The following MYO10 variants were observed in gnomAD, a reference collection of about 807,000 sequenced individuals.
MYO10 encodes the protein unconventional myosin-X.
MYO10 carries 133 observed loss-of-function variants against 257.3 expected under a neutral mutation model. The ratio of observed to expected loss-of-function variants is 0.52; its 90% CI spans 0.45 to 0.60. The LOEUF is 0.60. Among genes scored for constraint, MYO10 ranks in the 20% least tolerant of loss-of-function variants. The pLI is 0.00. For synonymous variants in MYO10, 1,104 were observed against 1,028.6 expected, an observed-to-expected ratio of 1.07 and a Z score of -1.40; for missense variants, 2,399 against 2,635.7, an observed-to-expected ratio of 0.91 and a Z score of 1.97.
At chr5:16,714,470 A>G (rs1007934897) in intron 19 of MYO10, among the ~76,000 whole-genome samples, 2 of 151,998 alleles carry the variant, frequency 1.3e-5, no homozygotes, top group East Asian at 3.9e-4. Flanking sequence ...CAACGGGGTC[A>G]GATCTGTGCT....
chr5:16,857,223 G>A (rs1743985372), intron 2 of MYO10, among the ~76,000 whole-genome samples: 1 of 152,140 alleles, frequency 6.6e-6, no homozygotes, highest in Non-Finnish European at 1.5e-5. Context: ...ACAACACTGG[G>A]TTACAGACTA....
rs1250564149 is a variant in MYO10, at chr5:16,864,006, G to T, written c.120+13603C>A. On this transcript the variant is annotated intron_variant, in intron 2 of 40. Transcript: ENST00000513610. ...CCAGCTACTTGGCAGACTGAGGTGG[G>T]GGGATTGCTTTAGCCTGGGAGGCGG... 3.9e-5 allele frequency among the ~76,000 whole-genome samples: 6 copies of T among 152,282 alleles called. No individual in the cohort carries two copies. In the South Asian group the frequency reaches 1.0e-3, roughly 26 times the overall value.
intron 1 of MYO10, among the ~76,000 whole-genome samples, chr5:16,887,886 T>C (rs1483181764): frequency 6.6e-6 from 1 of 152,146 alleles, no homozygotes; most frequent in African/African-American, 2.4e-5. Flanking sequence ...TGACCAGAAA[T>C]AGTCCCAGAA....
intron 21 of MYO10, among the ~76,000 whole-genome samples, chr5:16,708,942 G>T (rs1463387562): frequency 6.6e-6 from 1 of 152,168 alleles, no homozygotes; most frequent in Non-Finnish European, 1.5e-5. Context: ...ATTTTCTTCA[G>T]AAAGTTTTCC....
chr5:16,722,786 TACA>T (rs1243870879), intron 19 of MYO10, among the ~76,000 whole-genome samples: 22 of 152,210 alleles, frequency 1.4e-4, no homozygotes, highest in Non-Finnish European at 4.4e-5. Context: ...ATAACTTTGA[TACA>T]ACAACAAAAG....
intron 11 of MYO10, among the ~76,000 whole-genome samples, chr5:16,764,758 G>A (rs907859335): frequency 6.6e-6 from 1 of 151,884 alleles, no homozygotes; most frequent in African/African-American, 2.4e-5. Flanking sequence ...GCGTGATCTC[G>A]GCTCACAGCA....
chr5:16,909,061 G>A (rs1269743384), intron 1 of MYO10, among the ~76,000 whole-genome samples: 1 of 152,160 alleles, frequency 6.6e-6, no homozygotes, highest in Non-Finnish European at 1.5e-5. Context: ...ACCTGAGACT[G>A]GGTAATTTAT....
At chr5:16,860,820 A>C (rs1744086365) in intron 2 of MYO10, among the ~76,000 whole-genome samples, 1 of 151,658 alleles carries the variant, frequency 6.6e-6, no homozygotes, top group Non-Finnish European at 1.5e-5. Flanking sequence ...CAAGCACCGA[A>C]GACATTCTAC....
At position 16,840,261 on chromosome 5, in the gene MYO10, A is replaced by T. The variant is rs1005499505; in HGVS notation, c.121-22094T>A. ...AAACTTGTCTCTATGACAAATACAA[A>T]ATTAGCCAGGCATGGTGGTGCACAC... On this transcript the variant is annotated intron_variant, in intron 2 of 40. Transcript: ENST00000513610. Among the ~76,000 whole-genome samples, 3 of 152,108 alleles carry T rather than the reference A, an allele frequency of 2.0e-5. No individual in the cohort carries two copies. The East Asian group carries it at 5.8e-4, about 29-fold the overall frequency.
Position 16,701,487 on chromosome 5 carries a change from C to G in MYO10, c.2908G>C (p.Glu970Gln), listed in dbSNP as rs771326395. The G allele has an allele frequency of 5.6e-6, 9 of 1,613,710 alleles. No homozygotes were observed. Among genetic ancestry groups the G allele is most frequent in the Middle Eastern group, 1.6e-4 (1 of 6,084 alleles). Reference protein sequence around the residue: ...SLSVGSEFSSELAESACEEKP... With the variant: ...SLSVGSEFSSQLAESACEEKP... The stretch of plus-strand genomic sequence containing the variant: ...TCCTCGCATGCGCTCTCAGCCAGCT[C>G]GCTGGAAAATTCGCTTCCCACCGAC... The change falls in exon 25 of 41, where the codon GAG becomes CAG. Residue 970 changes from glutamate (E) to glutamine (Q), a missense_variant. Coordinates refer to ENST00000513610, the MANE Select transcript of MYO10 (RefSeq NM_012334.3). This position sits in a 1 kb window ranked among gnomAD's most constrained non-coding sequence, Gnocchi z 8.1.
At chr5:16,731,691 G>A (rs1739587799) in intron 19 of MYO10, among the ~76,000 whole-genome samples, 1 of 152,200 alleles carries the variant, frequency 6.6e-6, no homozygotes, top group South Asian at 2.1e-4. Context: ...TGTGGAATTG[G>A]AGACAGAGAG....
In MYO10 at chr5:16,700,841, GACC is replaced by G. The variant is rs561771376; in HGVS notation, c.3432+119_3432+121del. ...GCAAAAGGTTTAAGATGATCTCTAA[GACC>G]ACGACTCTGCAATCTTTGCACAGAT... On this transcript the variant is annotated intron_variant, in intron 25 of 40. Transcript: ENST00000513610. 138 of 1,226,198 alleles carry G rather than the reference GACC, an allele frequency of 1.1e-4. No homozygotes were observed. The African/African-American group carries it at 2.0e-3, about 18-fold the overall frequency. The allele number at this position is 1,226,198 out of a possible 1,614,324, so 76.0% of individuals were successfully genotyped here.
intron 1 of MYO10, among the ~76,000 whole-genome samples, chr5:16,886,242 T>C (rs778490432): frequency 6.6e-6 from 1 of 152,124 alleles, no homozygotes; most frequent in Non-Finnish European, 1.5e-5. Flanking sequence ...GGAAAAGTAA[T>C]AAAGTGAGTC....
chr5:16,899,256 C>T (rs1745307745), intron 1 of MYO10, among the ~76,000 whole-genome samples: 1 of 152,038 alleles, frequency 6.6e-6, no homozygotes, highest in Admixed American at 6.5e-5. Context: ...CCAGTGACAA[C>T]CAACCTGCCT....
At chr5:16,814,319 CT>C (rs879475214) in intron 3 of MYO10, among the ~76,000 whole-genome samples, 30 of 147,570 alleles carry the variant, frequency 2.0e-4, no homozygotes, top group East Asian at 6.0e-4. Flanking sequence ...TTTTTTTGTA[CT>C]TTTTTTTTTA....
At chr5:16,902,780 G>A (rs1173306285) in intron 1 of MYO10, 3 of 626,852 alleles carry the variant, frequency 4.8e-6, no homozygotes, top group Non-Finnish European at 8.5e-6. Flanking sequence ...GGGATTACAG[G>A]CGTAAGCCAC....
At position 16,774,612 on chromosome 5, in the gene MYO10, G is replaced by A. The variant is rs190107191; in HGVS notation, c.930+4933C>T. On this transcript the variant is annotated intron_variant, in intron 9 of 40. Coordinates refer to ENST00000513610, the MANE Select transcript of MYO10 (RefSeq NM_012334.3). ...AATTTTGTGTATTTTTAGTAGAGAC[G>A]GGGTTTCACTGTGTTAGCCAGGATG... Among the ~76,000 whole-genome samples the A allele has an allele frequency of 2.5e-3, 373 of 151,854 alleles. 2 individuals are homozygous for A. The highest frequency in any genetic ancestry group is 8.7e-3 in the African/African-American group (359 of 41,368).
At chr5:16,694,265 T>C in intron 27 of MYO10, 106 bp downstream of exon 27, 3 of 1,531,938 alleles carry the variant, frequency 2.0e-6, no homozygotes, top group Non-Finnish European at 1.8e-6. Flanking sequence ...TCAGGACACC[T>C]GCTACAGGCT....
intron 2 of MYO10, among the ~76,000 whole-genome samples, chr5:16,861,255 T>TTA (rs1744100075): frequency 8.9e-6 from 1 of 112,200 alleles, no homozygotes; most frequent in African/African-American, 3.8e-5. Context: ...CCTACAGCAA[T>TTA]AAAAAAAAAA....
Sources: allele counts gnomAD v4.1 joint callset (sites outside exome capture counted in the v4.1 genomes callset), GRCh38; gene constraint gnomAD v4.1.1; non-coding constraint Gnocchi (gnomAD v3.1); transcripts MANE v1.5; gene names NCBI Gene and HGNC (gene_info 2026-07-23, HGNC 2026-07-21).